Variants in MACROD2 observed in about 807,000 individuals in gnomAD.
MACROD2 encodes the protein ADP-ribose glycohydrolase MACROD2.
MACROD2 carries 36 observed loss-of-function variants against 70.4 expected under a neutral mutation model. The ratio of observed to expected loss-of-function variants is 0.51; its 90% CI spans 0.39 to 0.68. The LOEUF (loss-of-function observed/expected upper bound fraction) is 0.68. Ranked by LOEUF, MACROD2 falls within the 30% of genes least tolerant of loss-of-function variation. MACROD2 has a pLI of 0.00. For missense variants in MACROD2, 496 were observed against 538.4 expected (o/e 0.92, Z 0.78); for synonymous variants, 172 against 178.8 (o/e 0.96, Z 0.30).
intron 10 of MACROD2, among the ~76,000 whole-genome samples, chr20:15,906,326 T>C (rs111889794): frequency 9.2e-5 from 14 of 152,364 alleles, no homozygotes; most frequent in African/African-American, 2.6e-4. Flanking sequence ...TCTTTTGCCT[T>C]TGTTTCTTAT....
chr20:14,033,882 C>G (rs2053275385), intron 2 of MACROD2, among the ~76,000 whole-genome samples: 1 of 152,110 alleles, frequency 6.6e-6, no homozygotes, highest in Admixed American at 6.5e-5. Flanking sequence ...TCTTTTGTAT[C>G]TTTTACTTTT....
chr20:15,618,162 G>A (rs867595239), intron 8 of MACROD2, among the ~76,000 whole-genome samples: 1 of 134,294 alleles, frequency 7.4e-6, no homozygotes, highest in Non-Finnish European at 1.5e-5. Context: ...TGGGCTCTTG[G>A]GGCTCCCCAC....
chr20:14,870,765 A>G (rs528218800), intron 5 of MACROD2, among the ~76,000 whole-genome samples: 1 of 151,916 alleles, frequency 6.6e-6, no homozygotes, highest in East Asian at 1.9e-4. Flanking sequence ...GTGTCTGTTC[A>G]TGTCCTTGCC....
intron 3 of MACROD2, among the ~76,000 whole-genome samples, chr20:14,089,610 T>C (rs1369109608): frequency 6.6e-6 from 1 of 152,200 alleles, no homozygotes; most frequent in African/African-American, 2.4e-5. Context: ...TATTATATTC[T>C]TCTCTCTAGG....
At chr20:15,193,365 T>C (rs1170802068) in intron 5 of MACROD2, among the ~76,000 whole-genome samples, 1 of 152,148 alleles carries the variant, frequency 6.6e-6, no homozygotes. Flanking sequence ...AAAAGAATGG[T>C]AGCTAACATA....
intron 8 of MACROD2, among the ~76,000 whole-genome samples, chr20:15,759,166 A>AAAC (rs1568544808): frequency 2.7e-5 from 4 of 150,786 alleles, no homozygotes; most frequent in African/African-American, 7.3e-5. Flanking sequence ...AAAAAAAAAA[A>AAAC]CAGAAATGGA....
At chr20:14,343,767 A>G (rs2122670441) in intron 3 of MACROD2, among the ~76,000 whole-genome samples, 1 of 152,354 alleles carries the variant, frequency 6.6e-6, no homozygotes, top group East Asian at 1.9e-4. Flanking sequence ...TGGAGGAATG[A>G]CTAACAGTTA....
At chr20:14,265,850 C>T (rs1175199629) in intron 3 of MACROD2, among the ~76,000 whole-genome samples, 2 of 149,410 alleles carry the variant, frequency 1.3e-5, no homozygotes, top group Admixed American at 6.7e-5. Context: ...GATCTGGGCT[C>T]ACTGCAAGCT....
At chr20:16,028,125 C>T (rs1166730050) in intron 15 of MACROD2, among the ~76,000 whole-genome samples, 1 of 152,228 alleles carries the variant, frequency 6.6e-6, no homozygotes, top group African/African-American at 2.4e-5. Context: ...TCCTTTGAAA[C>T]TGACTCATCC....
intron 4 of MACROD2, among the ~76,000 whole-genome samples, chr20:14,647,693 C>T (rs953184335): frequency 6.6e-6 from 1 of 152,082 alleles, no homozygotes; most frequent in Non-Finnish European, 1.5e-5. Context: ...ACAATGATGA[C>T]AAACATCCTC....
At chr20:14,222,036 G>A (rs901075371) in intron 3 of MACROD2, among the ~76,000 whole-genome samples, 4 of 152,206 alleles carry the variant, frequency 2.6e-5, no homozygotes, top group African/African-American at 7.2e-5. Context: ...CTATTGGTAG[G>A]AATGTAAATG....
intron 8 of MACROD2, among the ~76,000 whole-genome samples, chr20:15,631,278 G>A (rs1471301735): frequency 2.0e-5 from 3 of 152,154 alleles, no homozygotes; most frequent in East Asian, 1.9e-4. Context: ...GCCCATCTGC[G>A]TGTTCCACTG....
intron 3 of MACROD2, among the ~76,000 whole-genome samples, chr20:14,340,073 G>C (rs1394598822): frequency 6.6e-6 from 1 of 152,092 alleles, no homozygotes; most frequent in African/African-American, 2.4e-5. Flanking sequence ...CTCCTCTTTT[G>C]TTTTCTAAGG....
At chr20:15,323,170 C>T (rs2077890990) in intron 6 of MACROD2, among the ~76,000 whole-genome samples, 1 of 152,146 alleles carries the variant, frequency 6.6e-6, no homozygotes, top group African/African-American at 2.4e-5. Flanking sequence ...AGATTGCCCC[C>T]TTTATTTCTT....
intron 5 of MACROD2, among the ~76,000 whole-genome samples, chr20:15,085,205 G>C (rs1273660343): frequency 6.6e-6 from 1 of 152,010 alleles, no homozygotes; most frequent in Non-Finnish European, 1.5e-5. Flanking sequence ...AATGAAGTTG[G>C]ACCCTCTATC....
chr20:14,807,474 G>A (rs767355376), intron 5 of MACROD2, among the ~76,000 whole-genome samples: 55 of 152,180 alleles, frequency 3.6e-4, no homozygotes, highest in African/African-American at 1.2e-3. Context: ...ATAAACCCAC[G>A]AAGATGAGGA....
intron 3 of MACROD2, among the ~76,000 whole-genome samples, chr20:14,315,575 T>C (rs928116830): frequency 6.6e-6 from 1 of 152,170 alleles, no homozygotes; most frequent in Non-Finnish European, 1.5e-5. Flanking sequence ...AAGCAAAATA[T>C]TAAATATATT....
At chr20:16,031,981 T>C (rs2067157893) in intron 15 of MACROD2, among the ~76,000 whole-genome samples, 1 of 152,138 alleles carries the variant, frequency 6.6e-6, no homozygotes, top group Admixed American at 6.6e-5. Context: ...CATTTTAACA[T>C]GGAAAGAGTT....
chr20:15,235,914 A>G (rs1290938285), intron 6 of MACROD2, among the ~76,000 whole-genome samples: 1 of 152,154 alleles, frequency 6.6e-6, no homozygotes, highest in Non-Finnish European at 1.5e-5. Context: ...CTTTTAGGCA[A>G]TATCTAGTCT....
Sources: gnomAD v4.1 joint callset for allele counts (sites outside exome capture counted in the v4.1 genomes callset) on GRCh38, gnomAD v4.1.1 for gene constraint, MANE v1.5 for transcripts, NCBI Gene and HGNC (gene_info 2026-07-23, HGNC 2026-07-21) for gene names.